Variants in AGMO observed in about 807,000 individuals in gnomAD.
AGMO encodes the protein alkylglycerol monooxygenase.
A neutral mutation model predicts 60.2 loss-of-function variants in AGMO; 75 were observed. The ratio of observed to expected loss-of-function variants is 1.25; its 90% CI spans 1.03 to 1.51. The LOEUF (loss-of-function observed/expected upper bound fraction) is 1.51, where lower values mean the gene tolerates loss of function less well. Among genes scored for constraint, AGMO ranks in the 40% most tolerant of loss-of-function variants. The pLI is 0.00. For synonymous variants in AGMO, 261 were observed against 177.1 expected (o/e 1.47, Z -3.76); for missense variants, 763 against 525.5 (o/e 1.45, Z -4.42).
intron 12 of AGMO, among the ~76,000 whole-genome samples, chr7:15,318,447 G>A (rs944893808): frequency 5.9e-5 from 9 of 151,986 alleles, no homozygotes; most frequent in Admixed American, 6.6e-5. Context: ...TATTTAAATG[G>A]ATCAGTTTAA....
chr7:15,123,014 C>T, the AGMO span, among the ~76,000 whole-genome samples: 1 of 152,076 alleles, frequency 6.6e-6, no homozygotes, highest in African/African-American at 2.4e-5. Context: ...TTCCTAATCC[C>T]TGTCATGCTT....
intron 12 of AGMO, among the ~76,000 whole-genome samples, chr7:15,232,844 C>T (rs576305556): frequency 1.8e-4 from 25 of 142,498 alleles, no homozygotes; most frequent in Middle Eastern, 3.6e-3. Flanking sequence ...AAAGAAAAAA[C>T]TCCATCTGGT....
At chr7:15,276,893 T>C (rs993737562) in intron 12 of AGMO, among the ~76,000 whole-genome samples, 1 of 22,050 alleles carries the variant, frequency 4.5e-5, no homozygotes, top group Non-Finnish European at 9.8e-5. Context: ...CATTTTTCCT[T>C]TTTTTTTTTT....
chr7:15,206,526 T>A (rs1563034466), intron 12 of AGMO, among the ~76,000 whole-genome samples: 1 of 152,102 alleles, frequency 6.6e-6, no homozygotes, highest in Non-Finnish European at 1.5e-5. Flanking sequence ...TTTTTTCCTA[T>A]CTAAATTTTA....
intron 12 of AGMO, among the ~76,000 whole-genome samples, chr7:15,300,734 T>G (rs2128525939): frequency 6.6e-6 from 1 of 152,270 alleles, no homozygotes; most frequent in African/African-American, 2.4e-5. Flanking sequence ...GTAAAACTCC[T>G]GGAGGAAATT....
Position 15,247,603 on chromosome 7 carries a change from G to T in AGMO, c.1264-46244C>A, listed in dbSNP as rs562034366. Reference sequence around the variant, plus strand: ...AAACATACACAGACACATTCACAGTGAAACAGTTCCATTTCAATTGCAATA... The same window carrying T: ...AAACATACACAGACACATTCACAGTTAAACAGTTCCATTTCAATTGCAATA... On this transcript the variant is annotated intron_variant, in intron 12 of 12. Transcript: ENST00000342526. 6.6e-5 allele frequency among the ~76,000 whole-genome samples: 10 copies of T among 151,874 alleles called. No homozygotes were observed. The East Asian group carries it at 1.7e-3, about 27-fold the overall frequency.
intron 3 of AGMO, among the ~76,000 whole-genome samples, chr7:15,512,978 CT>C (rs1783712687): frequency 6.6e-6 from 1 of 152,058 alleles, no homozygotes; most frequent in Non-Finnish European, 1.5e-5. Context: ...GAAATTATTT[CT>C]TTTGCAAATT....
the AGMO span, among the ~76,000 whole-genome samples, chr7:15,118,874 G>GTTT: frequency 9.5e-6 from 1 of 104,798 alleles, no homozygotes; most frequent in Admixed American, 1.1e-4. Context: ...CCAGACGTCA[G>GTTT]TATTTTTTTT....
At chr7:15,365,988 A>T (rs1326507623) in intron 11 of AGMO, 152 bp downstream of exon 11, 2 of 575,806 alleles carry the variant, frequency 3.5e-6, no homozygotes, top group Non-Finnish European at 6.0e-6. Flanking sequence ...TGATATAGTT[A>T]ACTTCTCTAA....
intron 12 of AGMO, among the ~76,000 whole-genome samples, chr7:15,267,671 T>C (rs1783474010): frequency 6.6e-6 from 1 of 151,842 alleles, no homozygotes; most frequent in African/African-American, 2.4e-5. Flanking sequence ...CCCATTTTAA[T>C]GAGTAAGAGA....
chr7:15,245,259 C>T (rs1782708241), intron 12 of AGMO, among the ~76,000 whole-genome samples: 1 of 152,090 alleles, frequency 6.6e-6, no homozygotes, highest in Non-Finnish European at 1.5e-5. Flanking sequence ...TACCAGATTC[C>T]CAATGTCGTC....
At chr7:15,339,830 A>G (rs770872550) in intron 12 of AGMO, among the ~76,000 whole-genome samples, 2 of 152,174 alleles carry the variant, frequency 1.3e-5, no homozygotes, top group Non-Finnish European at 2.9e-5. Flanking sequence ...TCTAAAAGCA[A>G]TTTTTTAAAT....
chr7:15,420,824 T>C lies in AGMO; in HGVS notation c.514-2171A>G, dbSNP rs115541807. ...TTACCAAATACATCCATATCTACCA[T>C]GCATTCAAACCCATGTCATTCTGAC... On this transcript the variant is annotated intron_variant, in intron 4 of 12. Coordinates refer to ENST00000342526, the MANE Select transcript of AGMO (RefSeq NM_001004320.2). 4.5e-3 allele frequency among the ~76,000 whole-genome samples: 684 copies of C among 152,278 alleles called. 4 individuals carry two copies. Among genetic ancestry groups the C allele is most frequent in the Middle Eastern group, 0.031 (9 of 294 alleles).
chr7:15,366,500 A>G (rs1358393677), intron 10 of AGMO, among the ~76,000 whole-genome samples: 3 of 151,930 alleles, frequency 2.0e-5, no homozygotes, highest in Non-Finnish European at 4.4e-5. Context: ...TGACTTTTAT[A>G]ATTTTTTGAA....
intron 12 of AGMO, among the ~76,000 whole-genome samples, chr7:15,328,621 TA>T (rs1481957746): frequency 6.6e-6 from 1 of 152,146 alleles, no homozygotes; most frequent in Non-Finnish European, 1.5e-5. Context: ...AAGCAGCCAT[TA>T]AGGGTTTCAG....
At chr7:15,325,999 T>C (rs1215369734) in intron 12 of AGMO, among the ~76,000 whole-genome samples, 2 of 152,090 alleles carry the variant, frequency 1.3e-5, no homozygotes, top group Admixed American at 1.3e-4. Context: ...GAGCAGTCAC[T>C]GCAGTAACTA....
At chr7:15,444,800 G>C (rs567828746) in intron 3 of AGMO, among the ~76,000 whole-genome samples, 3 of 152,148 alleles carry the variant, frequency 2.0e-5, no homozygotes, top group Non-Finnish European at 4.4e-5. Flanking sequence ...TGTATCTGCA[G>C]CTCTCTGTTG....
Position 15,300,164 on chromosome 7 carries a change from T to C in AGMO, c.1263+65350A>G, listed in dbSNP as rs892021984. Among the ~76,000 whole-genome samples the C allele has an allele frequency of 2.0e-5, 3 of 151,994 alleles. No homozygotes were observed. In the South Asian group the frequency reaches 6.2e-4, roughly 32 times the overall value. Reference sequence around the variant, plus strand: ...TTGATACTTGGAAAGATAGCTAGGATTGGAACAAAGAGATACCCAAGAGAT... The same window carrying C: ...TTGATACTTGGAAAGATAGCTAGGACTGGAACAAAGAGATACCCAAGAGAT... On this transcript the variant is annotated intron_variant, in intron 12 of 12. Coordinates refer to ENST00000342526, the MANE Select transcript of AGMO (RefSeq NM_001004320.2).
chr7:15,219,007 G>A (rs940465424), intron 12 of AGMO, among the ~76,000 whole-genome samples: 51 of 152,236 alleles, frequency 3.4e-4, no homozygotes, highest in African/African-American at 1.2e-3. Context: ...GAACAAGTCA[G>A]GTAAAGCTGT....
Sources: allele counts gnomAD v4.1 joint callset (sites outside exome capture counted in the v4.1 genomes callset), GRCh38; gene constraint gnomAD v4.1.1; transcripts MANE v1.5; gene names NCBI Gene and HGNC (gene_info 2026-07-23, HGNC 2026-07-21).